COG5: variants seen among roughly 807,000 people sequenced by gnomAD.
COG5 encodes component of oligomeric golgi complex 5.
Under a neutral mutation model 110.4 loss-of-function variants are expected in COG5, and 86 were observed. The ratio of observed to expected loss-of-function variants is 0.78; its 90% confidence interval spans 0.65 to 0.93. The LOEUF is 0.93. COG5 is among the 40% of genes least tolerant of loss of function. The pLI is 0.00. For synonymous variants in COG5, 360 were observed against 334.6 expected (o/e 1.08, Z -0.83); for missense variants, 1,077 against 987.0 (o/e 1.09, Z -1.22).
intron 14 of COG5, among the ~76,000 whole-genome samples, chr7:107,273,645 G>A (rs1347402645): frequency 6.6e-6 from 1 of 152,088 alleles, no homozygotes; most frequent in East Asian, 1.9e-4. Flanking sequence ...CTTCCTGATG[G>A]TACTGAAGTG....
chr7:107,526,946 G>C (rs187244889), intron 6 of COG5, among the ~76,000 whole-genome samples: 1 of 152,104 alleles, frequency 6.6e-6, no homozygotes. Context: ...GAATTGTTCT[G>C]TATCATGACT....
At position 107,203,524 on chromosome 7, in the gene COG5, G is replaced by A. The variant is rs746763077; in HGVS notation, c.2482C>T (p.Leu828Phe). 8 of 1,609,796 alleles carry A rather than the reference G, an allele frequency of 5.0e-6. No individual in the cohort carries two copies. In the African/African-American group the frequency reaches 5.3e-5, roughly 11 times the overall value. The part of the protein sequence containing the change: ...VQLLQKAMSA[L>F]Q The stretch of plus-strand genomic sequence containing the variant: ...ACAAAGATTTCATGTCATTACTGAA[G>A]AGCAGACATAGCCTTTTGAAGCAGC... The change falls in exon 22 of 22, where the codon CTT (leucine) becomes TTT (phenylalanine). Residue 828 changes from leucine (L) to phenylalanine (F), a missense_variant. Physicochemically the swap from Leu to Phe is conservative, Grantham distance 22 (BLOSUM62 0). Coordinates refer to ENST00000297135, the MANE Select transcript of COG5 (RefSeq NM_006348.5).
intron 5 of COG5, among the ~76,000 whole-genome samples, chr7:107,541,496 C>CAAAAAAA (rs869244428): frequency 9.4e-5 from 3 of 31,960 alleles, no homozygotes; most frequent in African/African-American, 5.1e-4. Flanking sequence ...GACCCTGTCT[C>CAAAAAAA]AAAAAAAAAA....
At chr7:107,506,136 A>G (rs1202309340) in intron 6 of COG5, among the ~76,000 whole-genome samples, 1 of 152,212 alleles carries the variant, frequency 6.6e-6, no homozygotes. Context: ...GGTGACAGGT[A>G]AGGTCATGCA....
chr7:107,213,754 G>C (rs1799330459), intron 19 of COG5, among the ~76,000 whole-genome samples: 1 of 152,162 alleles, frequency 6.6e-6, no homozygotes, highest in South Asian at 2.1e-4. Context: ...ACAGGCTAAA[G>C]TAAATAATGA....
intron 16 of COG5, among the ~76,000 whole-genome samples, chr7:107,249,876 TA>T (rs1195169121): frequency 6.6e-6 from 1 of 151,980 alleles, no homozygotes; most frequent in South Asian, 2.1e-4. Flanking sequence ...ATGTTGACAC[TA>T]AAAAAGTTTC....
chr7:107,341,869 C>A (rs1184289280), intron 10 of COG5, among the ~76,000 whole-genome samples: 1 of 152,122 alleles, frequency 6.6e-6, no homozygotes, highest in African/African-American at 2.4e-5. Context: ...TTATTATATG[C>A]AAAACTTAAC....
chr7:107,462,628 AAAC>A (rs1796068290), intron 6 of COG5, among the ~76,000 whole-genome samples: 1 of 151,792 alleles, frequency 6.6e-6, no homozygotes, highest in Admixed American at 6.6e-5. Flanking sequence ...AAAAAAAAAA[AAAC>A]TTTAGCCATG....
intron 6 of COG5, among the ~76,000 whole-genome samples, chr7:107,444,633 G>GT (rs1268045985): frequency 6.6e-6 from 1 of 152,092 alleles, no homozygotes. Flanking sequence ...TTAAAGTTAT[G>GT]TTTATACTTC....
intron 6 of COG5, among the ~76,000 whole-genome samples, chr7:107,453,222 C>T (rs571922193): frequency 9.4e-4 from 143 of 152,174 alleles, no homozygotes; most frequent in Non-Finnish European, 1.1e-3. Flanking sequence ...GTAAGCATTA[C>T]AACTGAAAGT....
At chr7:107,257,849 C>T (rs112884006) in intron 15 of COG5, among the ~76,000 whole-genome samples, 3,463 of 152,178 alleles carry the variant, frequency 0.023, 61 homozygotes, top group Middle Eastern at 0.078. Context: ...AATACAGCTC[C>T]TCCCTGACTT....
rs1347127364 is a variant in COG5, at chr7:107,488,795, C to G, written c.538+38442G>C. On this transcript the variant is annotated intron_variant, in intron 6 of 21. Coordinates refer to ENST00000297135, the MANE Select transcript of COG5 (RefSeq NM_006348.5). ...CCAGGAGGCAGAGGTTGCAGTGAGC[C>G]AAGATTGCACCACTGCACTCCAACC... Among the ~76,000 whole-genome samples the G allele has an allele frequency of 1.3e-5, 2 of 151,922 alleles. 1 individual carries two copies. Among genetic ancestry groups the G allele is most frequent in the South Asian group, 4.2e-4 (2 of 4,810 alleles).
intron 14 of COG5, chr7:107,258,639 C>G: frequency 7.7e-6 from 4 of 521,280 alleles, no homozygotes; most frequent in Non-Finnish European, 1.4e-5. Flanking sequence ...ACGGGAAGAA[C>G]AGCTCCATTT....
Position 107,424,505 on chromosome 7 carries a change from CT to C in COG5, c.539-11874del, listed in dbSNP as rs11376252. Among the ~76,000 whole-genome samples the C allele has an allele frequency of 8.1e-3, 1,102 of 135,962 alleles. 6 individuals are homozygous for C. The highest frequency in any genetic ancestry group is 0.02 in the African/African-American group (746 of 36,658). The allele number at this position is 135,962 out of a possible 152,430, so 89.2% of individuals were successfully genotyped here. On this transcript the variant is annotated intron_variant, in intron 6 of 21. Transcript: ENST00000297135. The stretch of plus-strand genomic sequence containing the variant: ...TGACACCAATTATACCTCAACAAAA[CT>C]TTTTTTTTTTTTTTGAAAAAAAGAA...
At chr7:107,406,209 T>C (rs550493452) in intron 7 of COG5, among the ~76,000 whole-genome samples, 2 of 152,310 alleles carry the variant, frequency 1.3e-5, no homozygotes, top group South Asian at 4.1e-4. Context: ...GCAGAACCTA[T>C]CCTCCTATGA....
At chr7:107,242,667 C>T (rs1449984321) in intron 17 of COG5, among the ~76,000 whole-genome samples, 1 of 152,242 alleles carries the variant, frequency 6.6e-6, no homozygotes, top group African/African-American at 2.4e-5. Context: ...TGCAGTCAAC[C>T]CAAGGAGAGG....
At chr7:107,358,928 T>C (rs1812861090) in intron 10 of COG5, among the ~76,000 whole-genome samples, 1 of 152,238 alleles carries the variant, frequency 6.6e-6, no homozygotes, top group Non-Finnish European at 1.5e-5. Flanking sequence ...TTCCTTTTGC[T>C]GATTTTGCTG....
intron 12 of COG5, among the ~76,000 whole-genome samples, chr7:107,287,260 T>C (rs1361672691): frequency 6.6e-6 from 1 of 152,208 alleles, no homozygotes; most frequent in Non-Finnish European, 1.5e-5. Context: ...TGGATTGGGC[T>C]TGTGAGATAG....
intron 6 of COG5, among the ~76,000 whole-genome samples, chr7:107,448,182 C>T (rs1795125009): frequency 6.6e-6 from 1 of 151,960 alleles, no homozygotes; most frequent in Middle Eastern, 3.2e-3. Flanking sequence ...TTCTTACTGA[C>T]ACCCTCCTCC....
Sources: gnomAD v4.1 joint callset for allele counts (sites outside exome capture counted in the v4.1 genomes callset) on GRCh38, gnomAD v4.1.1 for gene constraint, MANE v1.5 for transcripts, NCBI Gene and HGNC (gene_info 2026-07-23, HGNC 2026-07-21) for gene names.